TRPM5: variants seen among roughly 807,000 people sequenced by gnomAD.
TRPM5 encodes MLSN1 and TRP-related.
In TRPM5, 121 loss-of-function variants were observed where a neutral mutation model predicts 124.9. The observed-to-expected ratio is 0.97, with a 90% confidence interval of 0.84 to 1.13. The LOEUF is 1.13. TRPM5 is among the 50% of genes most tolerant of loss of function. TRPM5 has a pLI of 0.00. For missense variants in TRPM5, 1,643 were observed against 1,589.1 expected (o/e 1.03, Z -0.58); for synonymous variants, 781 against 700.5 (o/e 1.11, Z -1.81).
chr11:2,439,600 G>A, the TRPM5 span, among the ~76,000 whole-genome samples: 3 of 152,238 alleles, frequency 2.0e-5, no homozygotes, highest in African/African-American at 7.2e-5. Flanking sequence ...AATCATTAGA[G>A]AAATGCAAAT....
At chr11:2,428,534 G>A in the TRPM5 span, among the ~76,000 whole-genome samples, 1 of 150,942 alleles carries the variant, frequency 6.6e-6, no homozygotes. This position sits in a 1 kb window ranked among gnomAD's most constrained non-coding sequence, Gnocchi z 4.0. Flanking sequence ...ATGATCATGG[G>A]GACCGTGCTG....
chr11:2,404,809 A>C (rs1165789037), exon 24 of TRPM5: 1 of 689,934 alleles, frequency 1.4e-6, no homozygotes, highest in Admixed American at 2.5e-5. Context: ...AGGCACCAGG[A>C]GGGCCATTGT....
upstream of TRPM5, among the ~76,000 whole-genome samples, chr11:2,425,949 G>A (rs1845837084): frequency 6.6e-6 from 1 of 152,194 alleles, no homozygotes; most frequent in Admixed American, 6.5e-5. Flanking sequence ...GGCCTTGGGA[G>A]GGGTCCTACA....
the TRPM5 span, among the ~76,000 whole-genome samples, chr11:2,443,355 G>A: frequency 2.0e-5 from 3 of 152,336 alleles, no homozygotes; most frequent in East Asian, 1.9e-4. The surrounding 1 kb of genome is among the most constrained non-coding windows in gnomAD (Gnocchi z 5.0). Context: ...ATGTTCACCC[G>A]GAAAGTAACT....
exon 11 of TRPM5, chr11:2,414,759 G>T (rs772852012): frequency 6.5e-7 from 1 of 1,548,696 alleles, no homozygotes. Flanking sequence ...GGCTCGGGCC[G>T]CCTCGGCCTC....
intron 11 of TRPM5, 151 bp downstream of exon 16, chr11:2,414,564 G>A (rs1420262802): frequency 5.1e-6 from 6 of 1,174,882 alleles, no homozygotes; most frequent in South Asian, 1.6e-5. Context: ...AGGCAGAGCC[G>A]TCTGTCCTCT....
intron 3 of TRPM5, among the ~76,000 whole-genome samples, chr11:2,420,622 G>C (rs1845758628): frequency 6.6e-6 from 1 of 152,210 alleles, no homozygotes; most frequent in African/African-American, 2.4e-5. Flanking sequence ...GGGCGGTGGG[G>C]AGCGGGTTCT....
intron 12 of TRPM5, 52 bp downstream of exon 17, chr11:2,414,009 G>GGGGGGGGCCCCCCCCCCCCCCCCCCCCC: frequency 9.8e-7 from 1 of 1,023,722 alleles, no homozygotes; most frequent in Non-Finnish European, 1.4e-6. Flanking sequence ...GGCCCAGCTC[G>GGGGGGGGCCCCCCCCCCCCCCCCCCCCC]CCCGCCCACC....
chr11:2,427,288 C>T (rs1038996832), upstream of TRPM5, among the ~76,000 whole-genome samples: 1 of 152,254 alleles, frequency 6.6e-6, no homozygotes, highest in Non-Finnish European at 1.5e-5. Context: ...TCCTTCTCCC[C>T]ACCTGGGCTG....
intron 19 of TRPM5, 104 bp downstream of exon 24, chr11:2,407,655 C>T: frequency 1.4e-6 from 2 of 1,455,268 alleles, no homozygotes; most frequent in Non-Finnish European, 9.4e-7. Flanking sequence ...CAAGCCTCAC[C>T]CTCTGCAGCA....
At chr11:2,416,524 C>T (rs1845684073) in intron 7 of TRPM5, among the ~76,000 whole-genome samples, 1 of 152,238 alleles carries the variant, frequency 6.6e-6, no homozygotes, top group Non-Finnish European at 1.5e-5. Context: ...GGCTCACCAG[C>T]CTCAGCCTCC....
exon 19 of TRPM5, chr11:2,407,818 C>T: frequency 6.2e-7 from 1 of 1,613,930 alleles, no homozygotes; most frequent in South Asian, 1.1e-5. Flanking sequence ...GGAAGGTGAC[C>T]AGCAGGAGGA....
intron 12 of TRPM5, 52 bp downstream of exon 17, chr11:2,414,009 G>GTCCC: frequency 2.0e-6 from 2 of 1,023,734 alleles, no homozygotes; most frequent in Non-Finnish European, 1.4e-6. Context: ...GGCCCAGCTC[G>GTCCC]CCCGCCCACC....
At chr11:2,433,733 G>A in the TRPM5 span, among the ~76,000 whole-genome samples, 4 of 152,252 alleles carry the variant, frequency 2.6e-5, no homozygotes, top group African/African-American at 9.6e-5. Flanking sequence ...CGAGAAGCAA[G>A]GACCAGCGTG....
chr11:2,435,852 T>C, the TRPM5 span, among the ~76,000 whole-genome samples: 22 of 152,302 alleles, frequency 1.4e-4, no homozygotes, highest in African/African-American at 4.1e-4. The surrounding 1 kb of genome is among the most constrained non-coding windows in gnomAD (Gnocchi z 4.1). Flanking sequence ...CACTCACCAC[T>C]TACTAACTTC....
At chr11:2,415,337 G>T in exon 9 of TRPM5, 1 of 1,585,412 alleles carries the variant, frequency 6.3e-7, no homozygotes, top group Non-Finnish European at 8.5e-7. Flanking sequence ...TGCGTGACAC[G>T]GAGCGGTAGA....
intron 21 of TRPM5, 78 bp downstream of exon 26, chr11:2,406,583 T>A: frequency 6.6e-7 from 1 of 1,516,654 alleles, no homozygotes; most frequent in South Asian, 1.3e-5. Flanking sequence ...GCTCAGATCC[T>A]CTGTCACTGG....
At chr11:2,422,256 G>A (rs777000949) in exon 2 of TRPM5, 8 of 1,612,346 alleles carry the variant, frequency 5.0e-6, no homozygotes, top group African/African-American at 1.3e-5. Flanking sequence ...GGGCCGGCAG[G>A]TGCCACTCAG....
chr11:2,433,477 C>G, the TRPM5 span, among the ~76,000 whole-genome samples: 1 of 152,250 alleles, frequency 6.6e-6, no homozygotes, highest in African/African-American at 2.4e-5. Context: ...GGGCTCCATG[C>G]ACTGTCCATG....
Sources: allele counts gnomAD v4.1 joint callset (sites outside exome capture counted in the v4.1 genomes callset), GRCh38; gene constraint gnomAD v4.1.1; non-coding constraint Gnocchi (gnomAD v3.1); transcripts MANE v1.5; gene names NCBI Gene and HGNC (gene_info 2026-07-23, HGNC 2026-07-21).